The following SGCD variants were observed in gnomAD, a reference collection of about 807,000 sequenced individuals.
SGCD encodes sarcoglycan delta.
A neutral mutation model predicts 36.6 loss-of-function variants in SGCD; 18 were observed. That is an observed-to-expected ratio of 0.49 (90% CI 0.34 to 0.73). SGCD has a LOEUF of 0.73. SGCD is among the 30% of genes least tolerant of loss of function. SGCD has a pLI of 0.01. For synonymous variants in SGCD, 133 were observed against 130.6 expected (o/e 1.02, Z -0.12); for missense variants, 387 against 346.7 (o/e 1.12, Z -0.92).
upstream of SGCD, among the ~76,000 whole-genome samples, chr5:155,867,885 G>T (rs116656398): frequency 0.016 from 2,408 of 152,208 alleles, 59 homozygotes; most frequent in African/African-American, 0.054. Flanking sequence ...TTGGTCTAAG[G>T]TCATACAGTT....
At chr5:156,016,478 G>T in intron 1 of SGCD, among the ~76,000 whole-genome samples, 1 of 152,038 alleles carries the variant, frequency 6.6e-6, no homozygotes, top group East Asian at 1.9e-4. Flanking sequence ...AGTATTGAAA[G>T]GTTGTCCCAT....
intron 1 of SGCD, among the ~76,000 whole-genome samples, chr5:156,077,514 T>G (rs1760818514): frequency 6.6e-6 from 1 of 152,108 alleles, no homozygotes; most frequent in South Asian, 2.1e-4. Context: ...TGGTAGAAAT[T>G]TGGGAGTGAC....
At chr5:155,827,892 T>C in the SGCD span, among the ~76,000 whole-genome samples, 1 of 148,358 alleles carries the variant, frequency 6.7e-6, no homozygotes, top group Non-Finnish European at 1.5e-5. Context: ...GGTTTCTCCA[T>C]GTTGGTCAGG....
At chr5:155,825,542 A>AT in the SGCD span, among the ~76,000 whole-genome samples, 1 of 152,266 alleles carries the variant, frequency 6.6e-6, no homozygotes, top group African/African-American at 2.4e-5. Context: ...TGGTTCAAGG[A>AT]TTTTAAGGTG....
intron 6 of SGCD, among the ~76,000 whole-genome samples, chr5:156,635,023 G>A (rs1762771787): frequency 1.3e-5 from 2 of 151,976 alleles, no homozygotes; most frequent in South Asian, 4.2e-4. Context: ...AGAAGTTCAA[G>A]ACCAGCCTGG....
In SGCD at chr5:156,039,675, TTTTCTCA is replaced by T. The variant is rs554721393; in HGVS notation, c.-281-78191_-281-78185del. On this transcript the variant is annotated intron_variant, in intron 1 of 9. Transcript: ENST00000517913. ...TTACCTAGACTTAAAGAATTGTATG[TTTTCTCA>T]TTTCTCATTTCAGCTTTTATACCTT... Among the ~76,000 whole-genome samples, 90 of 152,306 alleles carry T rather than the reference TTTTCTCA, an allele frequency of 5.9e-4. 1 individual carries two copies. The highest frequency in any genetic ancestry group is 2.1e-3 in the African/African-American group (87 of 41,574).
chr5:156,205,487 A>G (rs1764253893), intron 3 of SGCD, among the ~76,000 whole-genome samples: 1 of 152,164 alleles, frequency 6.6e-6, no homozygotes, highest in African/African-American at 2.4e-5. Flanking sequence ...AAAGACAATC[A>G]TACAGGCTGT....
chr5:155,772,619 T>A, the SGCD span, among the ~76,000 whole-genome samples: 11 of 152,124 alleles, frequency 7.2e-5, no homozygotes, highest in Non-Finnish European at 1.6e-4. Context: ...TACTTCGGAG[T>A]TAAGTCTTCC....
At chr5:156,689,152 C>T (rs1754018803) in intron 7 of SGCD, among the ~76,000 whole-genome samples, 1 of 152,158 alleles carries the variant, frequency 6.6e-6, no homozygotes, top group South Asian at 2.1e-4. Flanking sequence ...TTAGTTTTGA[C>T]AAACGTACCT....
intron 3 of SGCD, among the ~76,000 whole-genome samples, chr5:156,411,419 C>G (rs1772745291): frequency 6.6e-6 from 1 of 152,176 alleles, no homozygotes; most frequent in Admixed American, 6.5e-5. Context: ...TCAAATCTGT[C>G]AAGTCCTAGT....
chr5:155,948,290 C>CTAATAA (rs1230190418), intron 1 of SGCD, among the ~76,000 whole-genome samples: 1 of 151,910 alleles, frequency 6.6e-6, no homozygotes, highest in Admixed American at 6.6e-5. Flanking sequence ...ACTGCTACTA[C>CTAATAA]TAATAATAAT....
rs377654869 is a variant in SGCD at position 156,582,754 on chromosome 5, C to T, written c.295-6477C>T. ...TAGATCTAAGTATGTAATTCAAGCC[C>T]GTCTCCCCACTATCCTTTGGACACA... On this transcript the variant is annotated intron_variant, in intron 4 of 8. Transcript: ENST00000337851. 6.6e-5 allele frequency among the ~76,000 whole-genome samples: 10 copies of T among 152,258 alleles called. 1 individual carries two copies. The highest frequency in any genetic ancestry group is 6.2e-4 in the South Asian group (3 of 4,828).
chr5:156,043,104 C>A (rs1223781582), intron 1 of SGCD, among the ~76,000 whole-genome samples: 2 of 152,124 alleles, frequency 1.3e-5, no homozygotes, highest in Admixed American at 1.3e-4. Flanking sequence ...CTTTTACTGT[C>A]ATAATTTTCT....
intron 3 of SGCD, among the ~76,000 whole-genome samples, chr5:156,250,885 A>T (rs1360683133): frequency 1.3e-5 from 2 of 151,926 alleles, no homozygotes; most frequent in African/African-American, 4.8e-5. Context: ...TAATAAAGAG[A>T]TAACCAAGTA....
intron 1 of SGCD, among the ~76,000 whole-genome samples, chr5:156,112,992 C>A (rs1445776973): frequency 6.6e-6 from 1 of 152,096 alleles, no homozygotes; most frequent in African/African-American, 2.4e-5. Context: ...AATGGTTTTG[C>A]AATTATAGTG....
At chr5:156,177,144 G>A (rs565169885) in intron 3 of SGCD, among the ~76,000 whole-genome samples, 1 of 151,990 alleles carries the variant, frequency 6.6e-6, no homozygotes, top group Non-Finnish European at 1.5e-5. Flanking sequence ...TGGGACTACA[G>A]GTACACGCCA....
At chr5:155,947,563 A>G (rs931545811) in intron 1 of SGCD, among the ~76,000 whole-genome samples, 2 of 152,138 alleles carry the variant, frequency 1.3e-5, no homozygotes, top group Non-Finnish European at 2.9e-5. Context: ...GATCTCGAGC[A>G]GGTTACTTGA....
At chr5:156,295,218 G>T (rs1298940040) in intron 3 of SGCD, among the ~76,000 whole-genome samples, 1 of 151,980 alleles carries the variant, frequency 6.6e-6, no homozygotes, top group Non-Finnish European at 1.5e-5. Context: ...TTGTGTTTCT[G>T]GGATTTTGTC....
At chr5:156,085,922 T>G (rs775844907) in intron 1 of SGCD, among the ~76,000 whole-genome samples, 1 of 152,240 alleles carries the variant, frequency 6.6e-6, no homozygotes, top group Non-Finnish European at 1.5e-5. Flanking sequence ...GGTAAAACAT[T>G]AAATTATTTG....
Sources: gnomAD v4.1 joint callset for allele counts (sites outside exome capture counted in the v4.1 genomes callset) on GRCh38, gnomAD v4.1.1 for gene constraint, MANE v1.5 for transcripts, NCBI Gene and HGNC (gene_info 2026-07-23, HGNC 2026-07-21) for gene names.